ASIC2: variants seen among roughly 807,000 people sequenced by gnomAD.
ASIC2 encodes acid-sensing ion channel 2.
In ASIC2, 25 loss-of-function variants were observed where a neutral mutation model predicts 57.3. That is an observed-to-expected ratio of 0.44 (90% CI 0.32 to 0.61). The LOEUF (loss-of-function observed/expected upper bound fraction) is 0.61. ASIC2 is among the 20% of genes least tolerant of loss of function. The pLI is 0.06. For missense variants in ASIC2, 641 were observed against 738.1 expected (o/e 0.87, Z 1.52); for synonymous variants, 319 against 307.5 (o/e 1.04, Z -0.39).
intron 1 of ASIC2, among the ~76,000 whole-genome samples, chr17:33,405,978 T>G (rs1910461249): frequency 6.6e-6 from 1 of 151,914 alleles, no homozygotes; most frequent in South Asian, 2.1e-4. Flanking sequence ...TCACAAACTT[T>G]CCCCTGCCCT....
chr17:34,131,625 G>C (rs1328422205), intron 1 of ASIC2, among the ~76,000 whole-genome samples: 1 of 152,218 alleles, frequency 6.6e-6, no homozygotes, highest in Non-Finnish European at 1.5e-5. Flanking sequence ...CTGACAGCAG[G>C]GACATCTTCC....
intron 1 of ASIC2, among the ~76,000 whole-genome samples, chr17:33,747,156 T>C (rs1201767198): frequency 6.6e-6 from 1 of 151,970 alleles, no homozygotes; most frequent in Non-Finnish European, 1.5e-5. Context: ...TATAAAGTTC[T>C]ACTATGATGA....
At chr17:33,194,831 T>C (rs1004756215) in intron 1 of ASIC2, among the ~76,000 whole-genome samples, 2 of 152,200 alleles carry the variant, frequency 1.3e-5, no homozygotes, top group African/African-American at 4.8e-5. Flanking sequence ...ACTTCTGGGA[T>C]ACTCAGAGGG....
At chr17:33,895,803 T>C (rs1423647154) in intron 1 of ASIC2, among the ~76,000 whole-genome samples, 1 of 152,206 alleles carries the variant, frequency 6.6e-6, no homozygotes, top group South Asian at 2.1e-4. Flanking sequence ...CTTTAAATCA[T>C]GTCTTACGAG....
intron 1 of ASIC2, among the ~76,000 whole-genome samples, chr17:33,927,067 T>G (rs1915838370): frequency 6.6e-6 from 1 of 152,134 alleles, no homozygotes; most frequent in South Asian, 2.1e-4. Flanking sequence ...TAGCTGGGAT[T>G]ACAGTCATGT....
chr17:33,334,277 T>C (rs184771286), intron 1 of ASIC2, among the ~76,000 whole-genome samples: 7 of 152,276 alleles, frequency 4.6e-5, no homozygotes, highest in Admixed American at 2.0e-4. Context: ...ACCCATTTCA[T>C]AGATAATGAA....
rs541720912 is a variant in ASIC2 at position 33,057,696 on chromosome 17, C to T, written c.988-29304G>A. Among the ~76,000 whole-genome samples the T allele has an allele frequency of 6.6e-5, 10 of 152,300 alleles. No homozygotes were observed. In the East Asian group the frequency reaches 1.7e-3, roughly 26 times the overall value. On this transcript the variant is annotated intron_variant, in intron 3 of 9. Coordinates refer to ENST00000225823, the MANE Select transcript of ASIC2 (RefSeq NM_183377.2). ...ATTCTGGGTTGAACCGCCTGGAAACCCCGTGGAATGGTTCTGGTTGAGGCT... is the reference window on the plus strand; with the variant it reads ...ATTCTGGGTTGAACCGCCTGGAAACTCCGTGGAATGGTTCTGGTTGAGGCT...
At chr17:33,455,174 T>C (rs1912405463) in intron 1 of ASIC2, among the ~76,000 whole-genome samples, 1 of 152,192 alleles carries the variant, frequency 6.6e-6, no homozygotes, top group Non-Finnish European at 1.5e-5. Flanking sequence ...ATTGTGTAAT[T>C]TATTATTATT....
At chr17:33,663,649 A>C (rs1302932575) in intron 1 of ASIC2, among the ~76,000 whole-genome samples, 3 of 152,144 alleles carry the variant, frequency 2.0e-5, no homozygotes, top group African/African-American at 7.2e-5. Flanking sequence ...TGTAAGTACC[A>C]TGTGGTAGGG....
chr17:33,226,462 C>A (rs1006849972), intron 1 of ASIC2, among the ~76,000 whole-genome samples: 3 of 152,114 alleles, frequency 2.0e-5, no homozygotes, highest in Non-Finnish European at 2.9e-5. Context: ...AATTTTGAGG[C>A]CACAGAAAAT....
chr17:34,085,476 C>A (rs1032701323), intron 1 of ASIC2, among the ~76,000 whole-genome samples: 9 of 152,218 alleles, frequency 5.9e-5, no homozygotes, highest in Non-Finnish European at 1.3e-4. Flanking sequence ...CGATGTTCAT[C>A]AAGGATATTG....
At chr17:34,037,816 C>T (rs1286156027) in intron 1 of ASIC2, 20 of 1,614,018 alleles carry the variant, frequency 1.2e-5, no homozygotes, top group African/African-American at 2.7e-5. Context: ...GTGTTACTAC[C>T]GGCTTTGGCG....
At chr17:33,725,781 C>T (rs993178618) in intron 1 of ASIC2, among the ~76,000 whole-genome samples, 1 of 146,300 alleles carries the variant, frequency 6.8e-6, no homozygotes, top group African/African-American at 2.5e-5. Context: ...CCCTGGCGAC[C>T]TCGCCCCACT....
intron 3 of ASIC2, among the ~76,000 whole-genome samples, chr17:33,035,310 A>G (rs1302086900): frequency 1.3e-5 from 2 of 151,852 alleles, no homozygotes; most frequent in Non-Finnish European, 2.9e-5. Flanking sequence ...ATCTATTTCT[A>G]TTGGTGGTTT....
Position 33,033,480 on chromosome 17 carries a change from A to C in ASIC2, c.988-5088T>G, listed in dbSNP as rs569809120. Among the ~76,000 whole-genome samples, 411 of 152,288 alleles carry C rather than the reference A, an allele frequency of 2.7e-3. 2 individuals carry two copies. The highest frequency in any genetic ancestry group is 4.1e-3 in the Non-Finnish European group (278 of 68,004). On this transcript the variant is annotated intron_variant, in intron 3 of 9. Coordinates refer to ENST00000225823, the MANE Select transcript of ASIC2 (RefSeq NM_183377.2). ...TTGGCAGGTGGGAGCTCCCAGGTACAGCTGCAGCTGCCCTCCCAGGTGCAG... is the reference window on the plus strand; with the variant it reads ...TTGGCAGGTGGGAGCTCCCAGGTACCGCTGCAGCTGCCCTCCCAGGTGCAG...
At position 33,349,455 on chromosome 17, in the gene ASIC2, G is replaced by A. The variant is rs187485204; in HGVS notation, c.556-237388C>T. On this transcript the variant is annotated intron_variant, in intron 1 of 9. Transcript: ENST00000359872. ...GGCACTAGAGGTCACCATTCGTAAG[G>A]CACCTTGATGTTGAAAAACAGTTCT... is the stretch of plus-strand genomic sequence containing the variant. Among the ~76,000 whole-genome samples, 44 of 152,202 alleles carry A rather than the reference G, an allele frequency of 2.9e-4. No individual in the cohort carries two copies. In the East Asian group the frequency reaches 8.5e-3, roughly 29 times the overall value.
chr17:33,291,553 AGCTTGCGGAACCACTGGCGGCGCG>A lies in ASIC2; in HGVS notation c.539_562del (p.Pro180_Lys187del). 6.2e-7 allele frequency: 1 copy of A among 1,612,012 alleles called. No individual in the cohort carries two copies. Among genetic ancestry groups the A allele is most frequent in the South Asian group, 1.1e-5 (1 of 91,064 alleles). ...AGGCAGGAAGAGGCGGAAGTCCGCC[AGCTTGCGGAACCACTGGCGGCGCG>A]GCTCGTCGCCCCGCAGCAGCTCGCT... On this transcript the variant is annotated inframe_deletion, in exon 1 of 10. Coordinates refer to ENST00000225823, the MANE Select transcript of ASIC2 (RefSeq NM_183377.2).
intron 1 of ASIC2, among the ~76,000 whole-genome samples, chr17:33,444,437 A>T (rs752431400): frequency 6.6e-6 from 1 of 152,164 alleles, no homozygotes; most frequent in Admixed American, 6.5e-5. Flanking sequence ...GGAGTGAGTC[A>T]GGGGTGCAGA....
At chr17:33,332,151 C>G (rs427610) in intron 1 of ASIC2, among the ~76,000 whole-genome samples, 125,071 of 151,934 alleles carry the variant, frequency 0.82, 51,544 homozygotes, top group East Asian at 1. Flanking sequence ...TATACCCGTT[C>G]GTGTTATGAA....
Sources: allele counts gnomAD v4.1 joint callset (sites outside exome capture counted in the v4.1 genomes callset), GRCh38; gene constraint gnomAD v4.1.1; transcripts MANE v1.5; gene names NCBI Gene and HGNC (gene_info 2026-07-23, HGNC 2026-07-21).